CR1: variants seen among roughly 807,000 people sequenced by gnomAD.
CR1 encodes the protein complement receptor type 1.
Under a neutral mutation model 187.3 loss-of-function variants are expected in CR1, and 116 were observed. The observed-to-expected ratio is 0.62, with a 90% CI of 0.53 to 0.72. The LOEUF (loss-of-function observed/expected upper bound fraction) is 0.72. Among genes scored for constraint, CR1 ranks in the 30% least tolerant of loss-of-function variants. The pLI is 0.00. For synonymous variants in CR1, 576 were observed against 747.1 expected (o/e 0.77, Z 3.73); for missense variants, 1,731 against 2,110.7 (o/e 0.82, Z 3.52).
chr1:207,525,973 T>C (rs1660155835), intron 5 of CR1, among the ~76,000 whole-genome samples: 1 of 152,154 alleles, frequency 6.6e-6, no homozygotes, highest in Non-Finnish European at 1.5e-5. Context: ...TTTTCCATTT[T>C]ATAACAGTTT....
At position 207,609,820 on chromosome 1, in the gene CR1, ATC is replaced by A. The variant is rs1571591019; in HGVS notation, c.6295+136_6295+137del. 6.8e-5 allele frequency: 62 copies of A among 906,874 alleles called. 1 individual carries two copies. In the East Asian group the frequency reaches 1.8e-3, roughly 26 times the overall value. The allele number at this position is 906,874 out of a possible 1,614,324, so 56.2% of individuals were successfully genotyped here. ...CATAATAGTAGCTTCACTGTCTGTT[ATC>A]TCTGTTAATAATTGTCTCAAAGTAA... On this transcript the variant is annotated intron_variant, in intron 37 of 46. Transcript: ENST00000367049.
intron 41 of CR1, among the ~76,000 whole-genome samples, chr1:207,617,479 T>G (rs1304290860): frequency 1.2e-4 from 7 of 57,498 alleles, no homozygotes; most frequent in African/African-American, 3.6e-4. Flanking sequence ...CCCTAGAACT[T>G]AAAGTATATA....
Position 207,611,751 on chromosome 1 carries a change from G to A in CR1, c.6370G>A (p.Glu2124Lys), listed in dbSNP as rs760919810. The A allele has an allele frequency of 6.2e-7, 1 of 1,613,974 alleles. No individual in the cohort carries two copies. The highest frequency in any genetic ancestry group is 8.5e-7 in the Non-Finnish European group (1 of 1,179,886). ...SHQDNFSPGQ[E>K]VFYSCEPSYD... is the part of the protein sequence containing the mutation. ...TCAGGACAACTTTTCACCTGGGCAG[G>A]AAGTGTTCTACAGCTGTGAGCCCAG... Residue 2124 changes from glutamate (E) to lysine (K), a missense_variant, in exon 38 of 47, where the codon GAA (glutamate) becomes AAA (lysine). This residue lies in a region of CR1 where 1,312 missense variants were observed against 1,379.6 expected (regional missense o/e 0.95). Coordinates refer to ENST00000367049, the MANE Select transcript of CR1 (RefSeq NM_000651.6).
chr1:207,604,753 G>A (rs1489811633), intron 35 of CR1, among the ~76,000 whole-genome samples: 1 of 152,052 alleles, frequency 6.6e-6, no homozygotes, highest in Non-Finnish European at 1.5e-5. Flanking sequence ...TCCAAAATAA[G>A]CTAGGCACAG....
At chr1:207,630,767 T>C in intron 46 of CR1, 146 bp downstream of exon 46, 1 of 516,848 alleles carries the variant, frequency 1.9e-6, no homozygotes. Flanking sequence ...ACTTCTTTTT[T>C]TTTTATTGGA....
At chr1:207,599,695 T>C (rs527751804) in intron 35 of CR1, among the ~76,000 whole-genome samples, 95 of 152,328 alleles carry the variant, frequency 6.2e-4, no homozygotes, top group Middle Eastern at 6.8e-3. Context: ...CATGTTGTGA[T>C]GTCAACAGAA....
At chr1:207,589,390 A>C (rs371650163) in intron 35 of CR1, among the ~76,000 whole-genome samples, 98 of 152,302 alleles carry the variant, frequency 6.4e-4, no homozygotes, top group Middle Eastern at 3.4e-3. Flanking sequence ...AAGATAAACT[A>C]ACAAACATAA....
intron 36 of CR1, among the ~76,000 whole-genome samples, chr1:207,608,853 T>A (rs1319553185): frequency 6.6e-6 from 1 of 152,200 alleles, no homozygotes; most frequent in Non-Finnish European, 1.5e-5. Flanking sequence ...CCCTTAAATC[T>A]GCCATTATTT....
chr1:207,604,683 A>G (rs1342750625), intron 35 of CR1, among the ~76,000 whole-genome samples: 1 of 152,154 alleles, frequency 6.6e-6, no homozygotes, highest in Non-Finnish European at 1.5e-5. Context: ...CATCATTTCA[A>G]TTATTTTACA....
chr1:207,511,191 A>G (rs1231439265), intron 3 of CR1, among the ~76,000 whole-genome samples: 1 of 152,184 alleles, frequency 6.6e-6, no homozygotes, highest in Admixed American at 6.5e-5. Context: ...CATACTTTTA[A>G]GGCAAAGAAA....
chr1:207,609,515 G>A lies in CR1; in HGVS notation c.6122G>A (p.Cys2041Tyr). 6.2e-7 allele frequency: 1 copy of A among 1,613,948 alleles called. No individual in the cohort carries two copies. The highest frequency in any genetic ancestry group is 8.5e-7 in the Non-Finnish European group (1 of 1,179,840). ...CCTCGGTGTATTTCTACTAATAAATGCACAGCTCCAGAAGTTGAAAATGCA... is the reference window on the plus strand; with the variant it reads ...CCTCGGTGTATTTCTACTAATAAATACACAGCTCCAGAAGTTGAAAATGCA... ...PPPRCISTNK[C>Y]TAPEVENAIR... is the part of the protein sequence containing the mutation. Residue 2041 changes from cysteine (C) to tyrosine (Y), a missense_variant, in exon 37 of 47, where the codon TGC (cysteine) becomes TAC (tyrosine). Cys to Tyr is a radical substitution (Grantham distance 194). This residue lies in a region of CR1 where 1,312 missense variants were observed against 1,379.6 expected (regional missense o/e 0.95). Transcript: ENST00000367049.
chr1:207,516,825 T>C (rs1380887749), intron 4 of CR1, among the ~76,000 whole-genome samples: 1 of 152,164 alleles, frequency 6.6e-6, no homozygotes, highest in East Asian at 1.9e-4. Context: ...AATTTACTTA[T>C]AAATTGAATA....
intron 4 of CR1, among the ~76,000 whole-genome samples, chr1:207,518,372 C>T (rs1010606306): frequency 6.6e-6 from 1 of 152,134 alleles, no homozygotes; most frequent in African/African-American, 2.4e-5. Context: ...GCTTCATTTT[C>T]TAGAAATGTC....
intron 3 of CR1, among the ~76,000 whole-genome samples, chr1:207,508,879 T>C (rs1262266886): frequency 1.3e-5 from 2 of 152,026 alleles, no homozygotes; most frequent in Non-Finnish European, 2.9e-5. Context: ...ATATGGAAAA[T>C]ATAATCCTGC....
intron 1 of CR1, among the ~76,000 whole-genome samples, chr1:207,498,160 G>A (rs1339527659): frequency 6.6e-6 from 1 of 152,190 alleles, no homozygotes; most frequent in Non-Finnish European, 1.5e-5. Flanking sequence ...TGAGAGAGAC[G>A]TTTTGAAAAT....
At chr1:207,581,726 CT>C (rs1453894587) in intron 31 of CR1, among the ~76,000 whole-genome samples, 191 bp from the exon 32 acceptor site, 4 of 152,136 alleles carry the variant, frequency 2.6e-5, no homozygotes, top group Non-Finnish European at 4.4e-5. Context: ...GAAAGCTACA[CT>C]TTTTCCAAAA....
At chr1:207,627,582 A>G (rs548339080) in intron 45 of CR1, among the ~76,000 whole-genome samples, 2 of 152,332 alleles carry the variant, frequency 1.3e-5, no homozygotes, top group South Asian at 4.1e-4. Context: ...ATACTTGGGC[A>G]GTTATAACAG....
chr1:207,639,010 A>G (rs1241967903), intron 46 of CR1, among the ~76,000 whole-genome samples: 1 of 151,982 alleles, frequency 6.6e-6, no homozygotes, highest in East Asian at 1.9e-4. Context: ...GTCCCTGAAA[A>G]CCCTGAGGAA....
rs1379749941 is a variant in CR1 at position 207,622,131 on chromosome 1, G to A, written c.7276+135G>A. The A allele has an allele frequency of 1.3e-5, 7 of 556,884 alleles. No homozygotes were observed. In the African/African-American group the frequency reaches 1.4e-4, roughly 11 times the overall value. 34.5% of individuals were successfully genotyped at this position (556,884 alleles called of 1,614,324 possible). A position where few individuals can be genotyped will look rare whatever the true frequency, so the allele number is the denominator to read the frequency against. ...GAGATCAAAATATCTTCAGTTGTAAGTTCAACTAGAAAGAAAATAATGATA... is the reference window on the plus strand; with the variant it reads ...GAGATCAAAATATCTTCAGTTGTAAATTCAACTAGAAAGAAAATAATGATA... On this transcript the variant is annotated intron_variant, in intron 44 of 46. Transcript: ENST00000367049.
Sources: allele counts gnomAD v4.1 joint callset (sites outside exome capture counted in the v4.1 genomes callset), GRCh38; gene constraint gnomAD v4.1.1; regional missense constraint gnomAD v4.1.1; transcripts MANE v1.5; gene names NCBI Gene and HGNC (gene_info 2026-07-23, HGNC 2026-07-21).